The following FAM118A variants were observed in gnomAD, a reference collection of about 807,000 sequenced individuals.
The protein encoded by FAM118A is SIR2 antiphage like 2.
Under a neutral mutation model 38.2 loss-of-function variants are expected in FAM118A, and 25 were observed. The observed-to-expected ratio is 0.65, with a 90% CI of 0.48 to 0.91. The LOEUF is 0.91. Among genes scored for constraint, FAM118A ranks in the 40% least tolerant of loss-of-function variants. The pLI is 0.00. For synonymous variants in FAM118A, 178 were observed against 184.1 expected (o/e 0.97, Z 0.27); for missense variants, 425 against 463.3 (o/e 0.92, Z 0.76).
rs115809987 is a variant in FAM118A at position 45,326,404 on chromosome 22, C to T, written c.301-1438C>T. Among the ~76,000 whole-genome samples, 739 of 152,246 alleles carry T rather than the reference C, an allele frequency of 4.9e-3. 3 individuals are homozygous for T. The highest frequency in any genetic ancestry group is 0.016 in the African/African-American group (660 of 41,554). ...GTCTCTCAGAGTATATGCGGCACTA[C>T]GGGCCAGGTGTGCTGGCTCATGCCT... On this transcript the variant is annotated intron_variant, in intron 3 of 8. Coordinates refer to ENST00000441876, the MANE Select transcript of FAM118A (RefSeq NM_017911.4).
At position 45,323,432 on chromosome 22, in the gene FAM118A, G is replaced by C. The variant is rs1262441677; in HGVS notation, c.300+5G>C. ...CTGATCCGGAAGATGTCACCTGTAA[G>C]TGTCAGACAAGTACCTCTTGGGGAC... On this transcript the variant is annotated splice_donor_5th_base_variant and intron_variant, in intron 3 of 8. Transcript: ENST00000441876. The C allele has an allele frequency of 6.2e-7, 1 of 1,611,078 alleles. No homozygotes were observed. Among genetic ancestry groups the C allele is most frequent in the Non-Finnish European group, 8.5e-7 (1 of 1,177,530 alleles).
intron 1 of FAM118A, among the ~76,000 whole-genome samples, chr22:45,312,946 C>A (rs1489150734): frequency 6.6e-6 from 1 of 152,096 alleles, no homozygotes; most frequent in East Asian, 1.9e-4. Context: ...AACCATTGGC[C>A]TTTGGTGATC....
chr22:45,338,440 G>T (rs980723502), intron 8 of FAM118A, among the ~76,000 whole-genome samples: 2 of 152,158 alleles, frequency 1.3e-5, no homozygotes, highest in African/African-American at 4.8e-5. Context: ...TGTTGGCCAG[G>T]CTGGTCTCAA....
At chr22:45,335,307 C>G (rs575739748) in intron 6 of FAM118A, 43 bp from the exon 7 acceptor site, 1 of 1,613,260 alleles carries the variant, frequency 6.2e-7, no homozygotes, top group South Asian at 1.1e-5. Flanking sequence ...AGGACGAGCT[C>G]TTGGTGTCTC....
chr22:45,330,402 G>A (rs2085620047), intron 4 of FAM118A: 2 of 399,460 alleles, frequency 5.0e-6, no homozygotes, highest in Admixed American at 4.6e-5. Context: ...AGGTGTGACT[G>A]TACCGTCGTA....
chr22:45,326,824 CAAAA>C (rs36188767), intron 3 of FAM118A, among the ~76,000 whole-genome samples: 3 of 40,466 alleles, frequency 7.4e-5, no homozygotes, highest in Non-Finnish European at 1.4e-4. Context: ...GACTCTGTCT[CAAAA>C]AAAAAAAAAA....
intron 1 of FAM118A, among the ~76,000 whole-genome samples, chr22:45,317,179 C>G (rs1601885679): frequency 6.6e-6 from 1 of 152,188 alleles, no homozygotes; most frequent in Non-Finnish European, 1.5e-5. Flanking sequence ...GAGTTCGAGA[C>G]CAGCCTCTGA....
At chr22:45,321,808 T>C (rs912474773) in intron 1 of FAM118A, 4 of 156,996 alleles carry the variant, frequency 2.5e-5, no homozygotes, top group Admixed American at 1.9e-4. Flanking sequence ...GAATTGGCTT[T>C]TTACTTGGAT....
chr22:45,328,013 C>T lies in FAM118A; in HGVS notation c.472C>T (p.Arg158Trp), dbSNP rs757483013. 6.2e-6 allele frequency: 10 copies of T among 1,609,350 alleles called. No homozygotes were observed. The highest frequency in any genetic ancestry group is 1.7e-5 in the Admixed American group (1 of 59,422). ...NYDNLLEAFGRRQNKPMESLD... is the reference protein window; with the variant it reads ...NYDNLLEAFGWRQNKPMESLD... ...TGACAACCTGCTGGAGGCCTTTGGCCGGCGGCAGAACAAGCCCATGGAGTC... is the reference window on the plus strand; with the variant it reads ...TGACAACCTGCTGGAGGCCTTTGGCTGGCGGCAGAACAAGCCCATGGAGTC... Residue 158 changes from arginine to tryptophan, a missense_variant, in exon 4 of 9, where the codon CGG (arginine) becomes TGG (tryptophan). By Grantham distance (101) the Arg-to-Trp change is moderately radical (BLOSUM62 -3). Coordinates refer to ENST00000441876, the MANE Select transcript of FAM118A (RefSeq NM_017911.4).
intron 7 of FAM118A, among the ~76,000 whole-genome samples, chr22:45,335,949 C>T (rs1311614039): frequency 2.0e-5 from 3 of 152,224 alleles, no homozygotes; most frequent in Admixed American, 6.5e-5. Context: ...GTGAGTGGCG[C>T]GGAGGCCTCT....
chr22:45,324,253 G>A (rs2085091320), intron 3 of FAM118A, among the ~76,000 whole-genome samples: 1 of 152,364 alleles, frequency 6.6e-6, no homozygotes, highest in Non-Finnish European at 1.5e-5. Context: ...TCCCCACCTA[G>A]AGACCCGGGT....
intron 8 of FAM118A, among the ~76,000 whole-genome samples, chr22:45,337,569 C>A (rs867780887): frequency 6.6e-6 from 1 of 152,102 alleles, no homozygotes; most frequent in Non-Finnish European, 1.5e-5. Context: ...AATGTATGCA[C>A]TCCCTCAGCT....
In FAM118A at chr22:45,326,698, G is replaced by T. The variant is rs1295749034; in HGVS notation, c.301-1144G>T. Among the ~76,000 whole-genome samples the T allele has an allele frequency of 5.3e-5, 8 of 151,610 alleles. No individual in the cohort carries two copies. The East Asian group carries it at 1.4e-3, about 26-fold the overall frequency. Reference sequence around the variant, plus strand: ...AAAAATTAGCTGGGTGTGGTGGTGCGCACCTGTAGTCCCAGCAACTTGGGA... The same window carrying T: ...AAAAATTAGCTGGGTGTGGTGGTGCTCACCTGTAGTCCCAGCAACTTGGGA... On this transcript the variant is annotated intron_variant, in intron 3 of 8. Transcript: ENST00000441876.
intron 1 of FAM118A, among the ~76,000 whole-genome samples, chr22:45,320,953 T>C (rs1358061009): frequency 6.6e-6 from 1 of 152,008 alleles, no homozygotes; most frequent in Non-Finnish European, 1.5e-5. Flanking sequence ...CAGGGTGTTA[T>C]ACTAACATTC....
At chr22:45,311,639 G>T (rs226506) in intron 1 of FAM118A, among the ~76,000 whole-genome samples, 65,299 of 151,934 alleles carry the variant, frequency 0.43, 17,465 homozygotes, top group Non-Finnish European at 0.6. Context: ...AAGGGAGTGG[G>T]TGGCCATTGA....
intron 8 of FAM118A, among the ~76,000 whole-genome samples, chr22:45,339,005 T>C (rs2086292094): frequency 6.6e-6 from 1 of 152,208 alleles, no homozygotes; most frequent in Non-Finnish European, 1.5e-5. Context: ...CGCCCTAGCG[T>C]CCTGCCGTCC....
chr22:45,330,569 A>G, intron 4 of FAM118A, 34 bp from the exon 5 acceptor site: 1 of 1,488,920 alleles, frequency 6.7e-7, no homozygotes, highest in Non-Finnish European at 8.9e-7. Flanking sequence ...CAGTTTGAGG[A>G]TGTGTTTCTT....
intron 1 of FAM118A, among the ~76,000 whole-genome samples, chr22:45,319,590 A>G (rs1210955881): frequency 6.6e-6 from 1 of 152,246 alleles, no homozygotes; most frequent in Non-Finnish European, 1.5e-5. Context: ...GCAAGAATCC[A>G]TGTTTTATGG....
intron 8 of FAM118A, chr22:45,337,840 G>C: frequency 1.0e-6 from 1 of 985,384 alleles, no homozygotes; most frequent in East Asian, 1.1e-4. Flanking sequence ...GCAGGTGTCT[G>C]TGCCATCCTC....
Sources: allele counts gnomAD v4.1 joint callset (sites outside exome capture counted in the v4.1 genomes callset), GRCh38; gene constraint gnomAD v4.1.1; transcripts MANE v1.5; gene names NCBI Gene and HGNC (gene_info 2026-07-23, HGNC 2026-07-21).